Variants in PLA2G4A observed in about 807,000 individuals in gnomAD.
PLA2G4A encodes the protein phospholipase A2 group IVA.
Under a neutral mutation model 81.9 loss-of-function variants are expected in PLA2G4A, and 40 were observed. The observed-to-expected ratio is 0.49, with a 90% confidence interval of 0.38 to 0.64. The LOEUF is 0.64. PLA2G4A is among the 30% of genes least tolerant of loss of function. The pLI is 0.00. For missense variants in PLA2G4A, 715 were observed against 905.1 expected (o/e 0.79, Z 2.69); for synonymous variants, 302 against 296.9 (o/e 1.02, Z -0.18).
At chr1:186,870,744 C>G in intron 3 of PLA2G4A, 2 of 1,535,340 alleles carry the variant, frequency 1.3e-6, no homozygotes, top group African/African-American at 1.5e-5. Context: ...TGGTGACATG[C>G]GTAAGAGTGC....
At chr1:186,950,751 T>C (rs1452095636) in intron 13 of PLA2G4A, 23 bp downstream of exon 13, 1 of 1,370,928 alleles carries the variant, frequency 7.3e-7, no homozygotes, top group Non-Finnish European at 1.0e-6. Flanking sequence ...GAAACTTTTC[T>C]GGCCCAGATC....
chr1:186,882,545 T>C (rs1653775210), intron 3 of PLA2G4A, among the ~76,000 whole-genome samples: 2 of 151,302 alleles, frequency 1.3e-5, no homozygotes, highest in African/African-American at 2.4e-5. Flanking sequence ...CTCTTTGCCG[T>C]AGAGTGATAT....
intron 3 of PLA2G4A, chr1:186,870,722 A>C (rs1394771810): frequency 2.2e-5 from 35 of 1,556,122 alleles, no homozygotes; most frequent in Non-Finnish European, 3.1e-5. Context: ...CCAAAGTGAC[A>C]AAGGGGGCCT....
intron 1 of PLA2G4A, among the ~76,000 whole-genome samples, chr1:186,851,882 A>G (rs1383057285): frequency 6.6e-6 from 1 of 152,036 alleles, no homozygotes; most frequent in Non-Finnish European, 1.5e-5. Context: ...GTAGTTAATT[A>G]GGGAAAAATA....
intron 1 of PLA2G4A, among the ~76,000 whole-genome samples, chr1:186,836,777 A>G (rs1490727429): frequency 1.3e-5 from 2 of 152,244 alleles, no homozygotes; most frequent in East Asian, 3.8e-4. Flanking sequence ...GGGTGAATAA[A>G]GCAGGTATAG....
At chr1:186,902,364 T>C (rs1654575296) in intron 5 of PLA2G4A, among the ~76,000 whole-genome samples, 1 of 151,976 alleles carries the variant, frequency 6.6e-6, no homozygotes, top group Non-Finnish European at 1.5e-5. Flanking sequence ...CGACAAATGC[T>C]CCTTCTAACA....
At chr1:186,932,576 C>T (rs1466633039) in intron 7 of PLA2G4A, among the ~76,000 whole-genome samples, 187 bp from the exon 8 acceptor site, 2 of 152,112 alleles carry the variant, frequency 1.3e-5, no homozygotes, top group Non-Finnish European at 2.9e-5. Context: ...GCTGGAATTA[C>T]AGATGTGAGC....
intron 3 of PLA2G4A, among the ~76,000 whole-genome samples, chr1:186,876,765 C>G (rs771315036): frequency 1.2e-4 from 19 of 152,086 alleles, no homozygotes; most frequent in Non-Finnish European, 2.5e-4. Flanking sequence ...CTGTAGTCAC[C>G]ATGCAGTGTA....
intron 5 of PLA2G4A, among the ~76,000 whole-genome samples, chr1:186,902,125 C>G (rs1654562229): frequency 6.6e-6 from 1 of 152,100 alleles, no homozygotes; most frequent in East Asian, 1.9e-4. Flanking sequence ...CGTTACTGCA[C>G]TGAATACAAT....
At chr1:186,846,802 C>G (rs946797564) in intron 1 of PLA2G4A, among the ~76,000 whole-genome samples, 2 of 151,242 alleles carry the variant, frequency 1.3e-5, no homozygotes, top group Admixed American at 1.3e-4. Context: ...TTGTCGTGGC[C>G]CATTTTAATT....
chr1:186,944,207 C>G (rs1227882137), intron 10 of PLA2G4A, among the ~76,000 whole-genome samples: 4 of 151,786 alleles, frequency 2.6e-5, no homozygotes, highest in East Asian at 1.9e-4. Flanking sequence ...GTAAGGGCCC[C>G]AAAGGAAGTT....
At chr1:186,855,952 T>C (rs1652534513) in intron 2 of PLA2G4A, among the ~76,000 whole-genome samples, 1 of 152,058 alleles carries the variant, frequency 6.6e-6, no homozygotes, top group Admixed American at 6.6e-5. Context: ...TATGTCTTTA[T>C]GTATGGCAAT....
Position 186,875,401 on chromosome 1 carries a change from A to C in PLA2G4A, c.115+4885A>C, listed in dbSNP as rs372844598. Among the ~76,000 whole-genome samples the C allele has an allele frequency of 3.3e-5, 5 of 152,230 alleles. No homozygotes were observed. The South Asian group carries it at 1.0e-3, about 32-fold the overall frequency. On this transcript the variant is annotated intron_variant, in intron 3 of 17. Transcript: ENST00000367466. ...TGATAGAAATAAACACAAATACCTTAATACCACAATTATAATGTTAAATTC... is the reference window on the plus strand; with the variant it reads ...TGATAGAAATAAACACAAATACCTTCATACCACAATTATAATGTTAAATTC...
At chr1:186,973,306 A>G (rs186546957) in intron 15 of PLA2G4A, among the ~76,000 whole-genome samples, 7 of 152,118 alleles carry the variant, frequency 4.6e-5, no homozygotes, top group Non-Finnish European at 8.8e-5. Flanking sequence ...GCATCTCTCC[A>G]ATCTCTGCCT....
intron 7 of PLA2G4A, among the ~76,000 whole-genome samples, chr1:186,924,844 G>A (rs906718675): frequency 2.0e-5 from 3 of 152,154 alleles, no homozygotes; most frequent in African/African-American, 7.2e-5. Context: ...AAGGTGGGAG[G>A]ATCAAGACTG....
rs144206512 is a variant in PLA2G4A, at chr1:186,949,843, G to A, written c.1265-814G>A. On this transcript the variant is annotated intron_variant, in intron 12 of 17. Coordinates refer to ENST00000367466, the MANE Select transcript of PLA2G4A (RefSeq NM_024420.3). ...TTGAGACCAGCCTAGGCAATAGAGTGAGACTTCATTTCTACCAAAAAAAAA... is the reference window on the plus strand; with the variant it reads ...TTGAGACCAGCCTAGGCAATAGAGTAAGACTTCATTTCTACCAAAAAAAAA... Among the ~76,000 whole-genome samples, 82 of 140,090 alleles carry A rather than the reference G, an allele frequency of 5.9e-4. 1 individual carries two copies. Among genetic ancestry groups the A allele is most frequent in the African/African-American group, 2.1e-3 (77 of 37,186 alleles). The allele number at this position is 140,090 out of a possible 152,430, so 91.9% of individuals were successfully genotyped here.
chr1:186,835,631 G>A (rs936563527), intron 1 of PLA2G4A, among the ~76,000 whole-genome samples: 1 of 152,174 alleles, frequency 6.6e-6, no homozygotes, highest in Non-Finnish European at 1.5e-5. Context: ...AGAGGTGGAT[G>A]AATTTTAAAT....
chr1:186,954,484 A>T (rs1386858308), intron 13 of PLA2G4A, among the ~76,000 whole-genome samples: 2 of 152,150 alleles, frequency 1.3e-5, no homozygotes, highest in Non-Finnish European at 2.9e-5. Context: ...GAAATACCTA[A>T]TATAAATGAT....
intron 7 of PLA2G4A, among the ~76,000 whole-genome samples, chr1:186,912,399 T>C (rs1341353446): frequency 6.6e-6 from 1 of 152,122 alleles, no homozygotes; most frequent in Non-Finnish European, 1.5e-5. Context: ...ATGACATGCA[T>C]CCACCATTAT....
Sources: allele counts gnomAD v4.1 joint callset (sites outside exome capture counted in the v4.1 genomes callset), GRCh38; gene constraint gnomAD v4.1.1; transcripts MANE v1.5; gene names NCBI Gene and HGNC (gene_info 2026-07-23, HGNC 2026-07-21).